PCDHGB3: variants seen among roughly 807,000 people sequenced by gnomAD.
PCDHGB3 encodes protocadherin gamma subfamily B, 3.
In PCDHGB3, 40 loss-of-function variants were observed where a neutral mutation model predicts 59.2. That is an observed-to-expected ratio of 0.68 (90% CI 0.52 to 0.88). PCDHGB3 has a LOEUF of 0.88. Among genes scored for constraint, PCDHGB3 ranks in the 40% least tolerant of loss-of-function variants. The pLI is 0.00. For missense variants in PCDHGB3, 1,309 were observed against 1,187.9 expected, an observed-to-expected ratio of 1.10 and a Z score of -1.50; for synonymous variants, 581 against 503.6, an observed-to-expected ratio of 1.15 and a Z score of -2.06.
intron 1 of PCDHGB3, chr5:141,375,778 C>T (rs772854971): frequency 1.9e-6 from 3 of 1,614,242 alleles, no homozygotes; most frequent in South Asian, 2.2e-5. Flanking sequence ...TCCTGTACCC[C>T]GCCCTCCCCA....
intron 1 of PCDHGB3, chr5:141,393,251 G>T: frequency 5.6e-6 from 9 of 1,613,814 alleles, no homozygotes; most frequent in Non-Finnish European, 6.8e-6. Flanking sequence ...ACGAAATCGC[G>T]GTTCCTGGAG....
chr5:141,437,094 G>A (rs1183502010), intron 1 of PCDHGB3, among the ~76,000 whole-genome samples: 3 of 152,126 alleles, frequency 2.0e-5, no homozygotes, highest in African/African-American at 4.8e-5. Context: ...TGAAACTAAC[G>A]GCTTAGCTTT....
chr5:141,425,348 A>C (rs2096869744), intron 1 of PCDHGB3, among the ~76,000 whole-genome samples: 1 of 152,242 alleles, frequency 6.6e-6, no homozygotes, highest in Non-Finnish European at 1.5e-5. Context: ...GTTGGCTTTG[A>C]AATGTGATAT....
intron 1 of PCDHGB3, chr5:141,374,296 G>C (rs779933812): frequency 6.2e-7 from 1 of 1,613,974 alleles, no homozygotes; most frequent in Non-Finnish European, 8.5e-7. Flanking sequence ...CCAGAGGTAG[G>C]ATGCAGCTTT....
chr5:141,474,488 A>C (rs2099350464), intron 1 of PCDHGB3, among the ~76,000 whole-genome samples: 1 of 152,208 alleles, frequency 6.6e-6, no homozygotes. Flanking sequence ...AATGTATTCT[A>C]TCTTCTAATG....
At chr5:141,393,370 A>G (rs2092740114) in intron 1 of PCDHGB3, 5 of 1,613,954 alleles carry the variant, frequency 3.1e-6, no homozygotes, top group Non-Finnish European at 2.5e-6. Context: ...CAGACTGGAG[A>G]CAATGGAGCC....
At chr5:141,483,745 T>C (rs1288301129) in intron 1 of PCDHGB3, among the ~76,000 whole-genome samples, 1 of 152,130 alleles carries the variant, frequency 6.6e-6, no homozygotes, top group Non-Finnish European at 1.5e-5. Flanking sequence ...AGGATATTCC[T>C]GAGGATCGAG....
chr5:141,463,438 CTTTTTTTTTTTT>C (rs71576115), intron 1 of PCDHGB3, among the ~76,000 whole-genome samples: 6 of 103,254 alleles, frequency 5.8e-5, no homozygotes, highest in Admixed American at 3.1e-4. Flanking sequence ...TTTCCTTCTC[CTTTTTTTTTTTT>C]TTTTTTTTTT....
At chr5:141,494,976 G>A in intron 2 of PCDHGB3, 111 bp downstream of exon 2, 1 of 1,575,636 alleles carries the variant, frequency 6.3e-7, no homozygotes. Flanking sequence ...TTCTCCCTCA[G>A]TTTGAGATCC....
At chr5:141,398,392 A>AGG in intron 1 of PCDHGB3, 1 of 1,456,392 alleles carries the variant, frequency 6.9e-7, no homozygotes, top group Non-Finnish European at 9.5e-7. Flanking sequence ...TGTGAGCAGC[A>AGG]GGCTAGACAG....
chr5:141,401,770 T>C (rs975272408), intron 1 of PCDHGB3, among the ~76,000 whole-genome samples: 2 of 152,202 alleles, frequency 1.3e-5, no homozygotes, highest in African/African-American at 4.8e-5. Context: ...TATAAGTCTT[T>C]TGCTTGGTTT....
chr5:141,422,409 A>G, intron 1 of PCDHGB3: 1 of 1,601,728 alleles, frequency 6.2e-7, no homozygotes. Flanking sequence ...TGCCTTTTAA[A>G]TTAGAAAAGA....
chr5:141,509,224 T>G (rs1241668369), intron 3 of PCDHGB3, among the ~76,000 whole-genome samples: 3 of 152,176 alleles, frequency 2.0e-5, no homozygotes, highest in Non-Finnish European at 2.9e-5. Flanking sequence ...AATCCCTGGT[T>G]GATGTCCCAG....
intron 1 of PCDHGB3, among the ~76,000 whole-genome samples, chr5:141,462,331 T>C (rs909948238): frequency 6.6e-6 from 1 of 152,244 alleles, no homozygotes; most frequent in African/African-American, 2.4e-5. Context: ...TCTAATTTAA[T>C]TGTATTGTGA....
intron 1 of PCDHGB3, among the ~76,000 whole-genome samples, chr5:141,484,288 C>T (rs1300726429): frequency 6.6e-6 from 1 of 152,176 alleles, no homozygotes; most frequent in African/African-American, 2.4e-5. Context: ...AAACATCTCC[C>T]TCTCCTGGCT....
At chr5:141,394,364 G>A (rs1293513120) in intron 1 of PCDHGB3, 1 of 1,614,186 alleles carries the variant, frequency 6.2e-7, no homozygotes. Flanking sequence ...TGTATGCGCT[G>A]CAATCTTTCG....
At chr5:141,475,583 G>A (rs1181419200) in intron 1 of PCDHGB3, among the ~76,000 whole-genome samples, 1 of 152,198 alleles carries the variant, frequency 6.6e-6, no homozygotes, top group Non-Finnish European at 1.5e-5. Context: ...CAGATTTGTT[G>A]GTGTTTTTCC....
rs2099884413 is a variant in PCDHGB3, at chr5:141,512,781, G to A, written c.*1608G>A. ...CCTTGATCTGCCCGCGGCGGCCCGT[G>A]TTGTGTTTTGTGCTGTGTCCACGCG... is the stretch of plus-strand genomic sequence containing the variant. On this transcript the variant is annotated 3_prime_UTR_variant, in exon 4 of 4. Transcript: ENST00000576222. 1 of 152,534 alleles carries A rather than the reference G, an allele frequency of 6.6e-6. No individual in the cohort carries two copies. Among genetic ancestry groups the A allele is most frequent in the African/African-American group, 2.4e-5 (1 of 41,444 alleles). 9.4% of individuals were successfully genotyped at this position (152,534 alleles called of 1,614,324 possible). A position where few individuals can be genotyped will look rare whatever the true frequency, so the allele number is the denominator to read the frequency against.
At chr5:141,484,009 TG>T (rs2099590446) in intron 1 of PCDHGB3, among the ~76,000 whole-genome samples, 1 of 14,098 alleles carries the variant, frequency 7.1e-5, no homozygotes, top group Admixed American at 8.3e-4. Context: ...TGGATGAGGG[TG>T]GGGGTGGGGT....
Sources: allele counts gnomAD v4.1 joint callset (sites outside exome capture counted in the v4.1 genomes callset), GRCh38; gene constraint gnomAD v4.1.1; transcripts MANE v1.5; gene names NCBI Gene and HGNC (gene_info 2026-07-23, HGNC 2026-07-21).